PTPRG: variants seen among roughly 807,000 people sequenced by gnomAD.
The protein encoded by PTPRG is receptor-type tyrosine-protein phosphatase gamma.
PTPRG carries 102 observed loss-of-function variants against 165.3 expected under a neutral mutation model. The observed-to-expected ratio is 0.62, with a 90% CI of 0.53 to 0.73. The LOEUF is 0.73. Ranked by LOEUF, PTPRG falls within the 30% of genes least tolerant of loss-of-function variation. PTPRG has a pLI of 0.00. For missense variants in PTPRG, 1,866 were observed against 1,861.4 expected (o/e 1.00, Z -0.05); for synonymous variants, 675 against 669.5 (o/e 1.01, Z -0.13).
intron 1 of PTPRG, among the ~76,000 whole-genome samples, chr3:61,569,668 G>A (rs1168984957): frequency 6.6e-6 from 1 of 152,116 alleles, no homozygotes; most frequent in Non-Finnish European, 1.5e-5. Flanking sequence ...TATGGAAAGC[G>A]GACGGTGGAA....
At chr3:61,877,498 G>A (rs896629798) in intron 2 of PTPRG, among the ~76,000 whole-genome samples, 4 of 152,056 alleles carry the variant, frequency 2.6e-5, no homozygotes, top group Admixed American at 1.3e-4. Flanking sequence ...ACCAGAAAGC[G>A]GGGGAAACAG....
chr3:62,173,958 A>G (rs1321012864), intron 8 of PTPRG, among the ~76,000 whole-genome samples: 2 of 152,242 alleles, frequency 1.3e-5, no homozygotes, highest in African/African-American at 4.8e-5. Flanking sequence ...AGACTTCTAT[A>G]TGGATGTCAT....
chr3:61,594,308 T>C (rs1700642206), intron 1 of PTPRG, among the ~76,000 whole-genome samples: 2 of 152,104 alleles, frequency 1.3e-5, no homozygotes, highest in Admixed American at 1.3e-4. Flanking sequence ...TCTCTGCCTG[T>C]GTAGGGTGCA....
chr3:61,718,356 G>C (rs1256674310), intron 1 of PTPRG, among the ~76,000 whole-genome samples: 3 of 152,110 alleles, frequency 2.0e-5, no homozygotes, highest in African/African-American at 7.2e-5. Context: ...TTAACAAGCT[G>C]TGATGGTCCA....
At chr3:61,802,345 G>A (rs538605943) in intron 2 of PTPRG, among the ~76,000 whole-genome samples, 1 of 152,222 alleles carries the variant, frequency 6.6e-6, no homozygotes, top group East Asian at 1.9e-4. Context: ...GCAAAATAGA[G>A]CTTGAGAAGC....
intron 4 of PTPRG, among the ~76,000 whole-genome samples, chr3:62,026,620 C>T (rs1056843486): frequency 9.2e-5 from 14 of 152,298 alleles, no homozygotes; most frequent in African/African-American, 3.1e-4. Flanking sequence ...GGCACGGTGG[C>T]TCACGCCTGT....
At chr3:62,292,828 C>T (rs994479048) in intron 29 of PTPRG, 19 of 476,224 alleles carry the variant, frequency 4.0e-5, no homozygotes, top group African/African-American at 3.4e-4. Context: ...GGTTGAGAAG[C>T]CCTGCTTTAG....
At chr3:61,778,058 G>A (rs2034437071) in intron 2 of PTPRG, among the ~76,000 whole-genome samples, 1 of 152,080 alleles carries the variant, frequency 6.6e-6, no homozygotes, top group Non-Finnish European at 1.5e-5. Flanking sequence ...CAAGCACTGT[G>A]GCTCCACTGG....
intron 2 of PTPRG, among the ~76,000 whole-genome samples, chr3:61,881,448 A>G (rs559639060): frequency 1.3e-5 from 2 of 152,268 alleles, no homozygotes; most frequent in Admixed American, 1.3e-4. Flanking sequence ...CAAATATGCA[A>G]CACAGCAGCA....
chr3:62,002,561 A>T (rs1433343928), intron 3 of PTPRG, among the ~76,000 whole-genome samples: 1 of 152,186 alleles, frequency 6.6e-6, no homozygotes, highest in African/African-American at 2.4e-5. Context: ...AGTTATTCTC[A>T]ATTTCTCCTT....
chr3:61,745,268 CG>C (rs1333467251), intron 1 of PTPRG, among the ~76,000 whole-genome samples: 3 of 152,010 alleles, frequency 2.0e-5, no homozygotes, highest in Non-Finnish European at 4.4e-5. Context: ...AGGATGGTCT[CG>C]ATCTCTTGAC....
At chr3:61,827,105 G>C (rs776425870) in intron 2 of PTPRG, among the ~76,000 whole-genome samples, 3 of 152,174 alleles carry the variant, frequency 2.0e-5, no homozygotes, top group Non-Finnish European at 1.5e-5. Flanking sequence ...GCTTTGCTGT[G>C]TTCTTCTATC....
intron 6 of PTPRG, 99 bp downstream of exon 6, chr3:62,132,767 C>G (rs1703565614): frequency 1.9e-6 from 2 of 1,074,098 alleles, no homozygotes; most frequent in Admixed American, 1.7e-5. Flanking sequence ...AGGGTGACAC[C>G]TATTCCTCAT....
intron 4 of PTPRG, among the ~76,000 whole-genome samples, chr3:62,018,444 A>G (rs942198169): frequency 1.3e-5 from 2 of 152,182 alleles, no homozygotes; most frequent in Non-Finnish European, 2.9e-5. Context: ...GTCAGCAGGA[A>G]CTGGAGTCAA....
chr3:61,724,917 A>G (rs756810025), intron 1 of PTPRG, among the ~76,000 whole-genome samples: 1 of 152,140 alleles, frequency 6.6e-6, no homozygotes, highest in Non-Finnish European at 1.5e-5. Flanking sequence ...TTTTATCAGT[A>G]TAGAGCCTGT....
chr3:61,583,850 A>G (rs778463974), intron 1 of PTPRG, among the ~76,000 whole-genome samples: 5 of 152,148 alleles, frequency 3.3e-5, no homozygotes, highest in Non-Finnish European at 5.9e-5. Flanking sequence ...TGAGATGTCC[A>G]AGGTTCTCTC....
chr3:62,293,313 A>T lies in PTPRG; in HGVS notation c.*6A>T. ...GCATGGAGTCCCTAGTGTGACTGGA[A>T]TCCTGAAAGGGCACTTAATTTGTAA... On this transcript the variant is annotated 3_prime_UTR_variant, in exon 30 of 30. Coordinates refer to ENST00000474889, the MANE Select transcript of PTPRG (RefSeq NM_002841.4). 1.3e-6 allele frequency: 2 copies of T among 1,549,468 alleles called. No homozygotes were observed. The highest frequency in any genetic ancestry group is 1.7e-6 in the Non-Finnish European group (2 of 1,155,546).
At chr3:62,061,292 G>GA (rs1365729552) in intron 4 of PTPRG, among the ~76,000 whole-genome samples, 1 of 152,164 alleles carries the variant, frequency 6.6e-6, no homozygotes, top group African/African-American at 2.4e-5. Context: ...AGACAAATTA[G>GA]AAAAACAAAT....
chr3:62,182,336 A>G (rs1454160078), intron 8 of PTPRG, among the ~76,000 whole-genome samples: 1 of 152,254 alleles, frequency 6.6e-6, no homozygotes, highest in Non-Finnish European at 1.5e-5. Flanking sequence ...TGATTATCAC[A>G]CAAGTCTCGT....
Sources: allele counts gnomAD v4.1 joint callset (sites outside exome capture counted in the v4.1 genomes callset), GRCh38; gene constraint gnomAD v4.1.1; transcripts MANE v1.5; gene names NCBI Gene and HGNC (gene_info 2026-07-23, HGNC 2026-07-21).